OPCML: variants seen among roughly 807,000 people sequenced by gnomAD.
The protein encoded by OPCML is opioid binding protein/cell adhesion molecule like, also known as opioid-binding protein/cell adhesion molecule.
Under a neutral mutation model 37.8 loss-of-function variants are expected in OPCML, and 13 were observed. The observed-to-expected ratio is 0.34, with a 90% CI of 0.22 to 0.55. The LOEUF (loss-of-function observed/expected upper bound fraction) is 0.55. OPCML is among the 20% of genes least tolerant of loss of function. The pLI is 0.91. For missense variants in OPCML, 341 were observed against 435.6 expected, an observed-to-expected ratio of 0.78 and a Z score of 1.93; for synonymous variants, 176 against 168.8, an observed-to-expected ratio of 1.04 and a Z score of -0.33.
chr11:132,946,222 T>C (rs1263192389), intron 1 of OPCML, among the ~76,000 whole-genome samples: 1 of 152,174 alleles, frequency 6.6e-6, no homozygotes, highest in African/African-American at 2.4e-5. Context: ...AGCAATAACA[T>C]GCACGGAGCT....
chr11:132,816,089 G>T (rs12285031), intron 2 of OPCML, among the ~76,000 whole-genome samples: 1 of 152,184 alleles, frequency 6.6e-6, no homozygotes, highest in African/African-American at 2.4e-5. Flanking sequence ...ACATGTTTGC[G>T]ATAGCTGTGC....
chr11:132,669,167 G>T (rs1168387281), intron 2 of OPCML, among the ~76,000 whole-genome samples: 1 of 152,028 alleles, frequency 6.6e-6, no homozygotes, highest in Non-Finnish European at 1.5e-5. Flanking sequence ...CACTAGTGTT[G>T]TCCTTTTCTT....
chr11:133,501,047 G>C (rs1362727151), intron 1 of OPCML, among the ~76,000 whole-genome samples: 1 of 152,130 alleles, frequency 6.6e-6, no homozygotes, highest in East Asian at 1.9e-4. Flanking sequence ...GGCAGCTCCA[G>C]CACCACTAGC....
At chr11:132,753,475 G>C (rs58788254) in intron 2 of OPCML, among the ~76,000 whole-genome samples, 1 of 152,142 alleles carries the variant, frequency 6.6e-6, no homozygotes, top group Admixed American at 6.6e-5. Flanking sequence ...TGTTTAGCTA[G>C]TTAGCCAGCT....
intron 1 of OPCML, among the ~76,000 whole-genome samples, chr11:132,974,541 T>C (rs1487214196): frequency 6.6e-6 from 1 of 152,230 alleles, no homozygotes; most frequent in African/African-American, 2.4e-5. Flanking sequence ...GGAACGCTTT[T>C]ACACTGTTGG....
intron 1 of OPCML, among the ~76,000 whole-genome samples, chr11:133,175,456 T>A (rs1950353473): frequency 6.7e-6 from 1 of 149,882 alleles, no homozygotes. Flanking sequence ...TTGGTATAGG[T>A]CTACAAGTGT....
intron 1 of OPCML, among the ~76,000 whole-genome samples, chr11:133,401,033 G>A (rs1180574953): frequency 6.6e-6 from 1 of 152,220 alleles, no homozygotes; most frequent in Non-Finnish European, 1.5e-5. Flanking sequence ...TTTTCTCCAA[G>A]TAATAATCCG....
chr11:132,615,130 C>T (rs1359543208), intron 3 of OPCML, among the ~76,000 whole-genome samples: 1 of 152,098 alleles, frequency 6.6e-6, no homozygotes, highest in Non-Finnish European at 1.5e-5. Context: ...CAAAGATGTG[C>T]TTACAACATG....
At chr11:133,087,021 G>A (rs1283312716) in intron 1 of OPCML, among the ~76,000 whole-genome samples, 1 of 152,140 alleles carries the variant, frequency 6.6e-6, no homozygotes, top group African/African-American at 2.4e-5. Context: ...TGCACTTAGA[G>A]TCAAACATCA....
chr11:133,242,145 C>T (rs1940755085), intron 1 of OPCML, among the ~76,000 whole-genome samples: 1 of 152,086 alleles, frequency 6.6e-6, no homozygotes, highest in South Asian at 2.1e-4. Flanking sequence ...TGTATTGAGC[C>T]CCTGTAAGCT....
At chr11:133,038,942 G>C (rs1947834489) in intron 1 of OPCML, among the ~76,000 whole-genome samples, 1 of 152,056 alleles carries the variant, frequency 6.6e-6, no homozygotes, top group Non-Finnish European at 1.5e-5. Context: ...GTCTCATACT[G>C]CTTCTCATCT....
At chr11:132,692,171 A>G (rs1274689032) in intron 2 of OPCML, among the ~76,000 whole-genome samples, 4 of 152,110 alleles carry the variant, frequency 2.6e-5, no homozygotes, top group Admixed American at 2.6e-4. Flanking sequence ...AAGAACCTGA[A>G]GTTCAATAGG....
chr11:132,790,269 T>C (rs1468333002), intron 2 of OPCML, among the ~76,000 whole-genome samples: 1 of 152,192 alleles, frequency 6.6e-6, no homozygotes, highest in East Asian at 1.9e-4. Context: ...TACAGTCAGA[T>C]AAAAACAATA....
intron 2 of OPCML, among the ~76,000 whole-genome samples, chr11:132,877,117 GAT>G (rs1943049750): frequency 6.6e-6 from 1 of 152,088 alleles, no homozygotes; most frequent in Non-Finnish European, 1.5e-5. Context: ...ATTTAAAAGT[GAT>G]ATATATCCCA....
intron 4 of OPCML, among the ~76,000 whole-genome samples, chr11:132,479,914 T>TG (rs1435807693): frequency 3.3e-5 from 5 of 151,732 alleles, no homozygotes; most frequent in African/African-American, 1.2e-4. Context: ...AACACAAAGA[T>TG]GGGGAAAAAA....
At chr11:133,397,209 T>A (rs531788434) in intron 1 of OPCML, among the ~76,000 whole-genome samples, 1 of 152,232 alleles carries the variant, frequency 6.6e-6, no homozygotes, top group Middle Eastern at 3.2e-3. Flanking sequence ...CCAGTTGGGC[T>A]GGATCTTCCA....
At chr11:133,230,348 G>A (rs1229078968) in intron 1 of OPCML, among the ~76,000 whole-genome samples, 1 of 152,238 alleles carries the variant, frequency 6.6e-6, no homozygotes, top group South Asian at 2.1e-4. Flanking sequence ...CCTAGATTGT[G>A]GCAAAGGCAT....
At chr11:132,787,579 T>G (rs1324109670) in intron 2 of OPCML, among the ~76,000 whole-genome samples, 1 of 152,126 alleles carries the variant, frequency 6.6e-6, no homozygotes, top group Non-Finnish European at 1.5e-5. Flanking sequence ...AAAGAGTACT[T>G]TGAATATTAC....
At chr11:133,364,398 T>C (rs981432027) in intron 1 of OPCML, among the ~76,000 whole-genome samples, 4 of 152,218 alleles carry the variant, frequency 2.6e-5, no homozygotes, top group African/African-American at 9.6e-5. Flanking sequence ...GGAGCCCTGG[T>C]CTGATCTCTC....
Sources: allele counts gnomAD v4.1 joint callset (sites outside exome capture counted in the v4.1 genomes callset), GRCh38; gene constraint gnomAD v4.1.1; transcripts MANE v1.5; gene names NCBI Gene and HGNC (gene_info 2026-07-23, HGNC 2026-07-21).